Variants in FHAD1 observed in about 807,000 individuals in gnomAD.
FHAD1 encodes forkhead-associated domain-containing protein 1.
A neutral mutation model predicts 191.3 loss-of-function variants in FHAD1; 146 were observed. The observed-to-expected ratio is 0.76, with a 90% CI of 0.67 to 0.88. The LOEUF (loss-of-function observed/expected upper bound fraction) is 0.88. FHAD1 is among the 40% of genes least tolerant of loss of function. The pLI is 0.00. For synonymous variants in FHAD1, 616 were observed against 672.3 expected (o/e 0.92, Z 1.29); for missense variants, 1,635 against 1,785.8 (o/e 0.92, Z 1.52).
At chr1:15,375,292 A>G (rs1202914041) in intron 27 of FHAD1, among the ~76,000 whole-genome samples, 1 of 152,146 alleles carries the variant, frequency 6.6e-6, no homozygotes, top group Non-Finnish European at 1.5e-5. Flanking sequence ...GGCCCACTGC[A>G]GGCTGGGGCA....
intron 20 of FHAD1, 102 bp from the exon 21 acceptor site, chr1:15,358,008 A>T (rs2102596951): frequency 1.3e-6 from 1 of 785,256 alleles, no homozygotes; most frequent in East Asian, 3.0e-5. Flanking sequence ...CAGAATAATT[A>T]GAGAATAGAC....
Position 15,289,633 on chromosome 1 carries a change from G to A in FHAD1, c.535G>A (p.Asp179Asn), listed in dbSNP as rs749372376. 1.3e-6 allele frequency: 2 copies of A among 1,550,704 alleles called. No individual in the cohort carries two copies. Among genetic ancestry groups the A allele is most frequent in the South Asian group, 2.4e-5 (2 of 84,030 alleles). ...CAAGGAGATGTTCTCGTTCGTGGTG[G>A]ACGACGCCCGCAAGCCACCCGTCAT... is the stretch of plus-strand genomic sequence containing the variant. Reference protein sequence around the residue: ...ANKEMFSFVVDDARKPPVIKQ... With the variant: ...ANKEMFSFVVNDARKPPVIKQ... Residue 179 changes from aspartate (D) to asparagine (N), a missense_variant, in exon 4 of 34, where the codon GAC becomes AAC. Physicochemically the swap from Asp to Asn is conservative, Grantham distance 23. Transcript: ENST00000688493. The surrounding 1 kb of genome is among the most constrained non-coding windows in gnomAD (Gnocchi z 4.2).
intron 3 of FHAD1, 35 bp downstream of exon 3, chr1:15,272,564 G>A (rs1557970917): frequency 2.0e-6 from 3 of 1,524,390 alleles, no homozygotes; most frequent in Non-Finnish European, 2.7e-6. Context: ...GAGGGGCCAT[G>A]TCGCCTTCGT....
At position 15,381,101 on chromosome 1, in the gene FHAD1, C is replaced by G. The variant is rs907518077; in HGVS notation, c.3802-130C>G. The G allele has an allele frequency of 3.0e-6, 2 of 667,908 alleles. No individual in the cohort carries two copies. The highest frequency in any genetic ancestry group is 1.9e-5 in the South Asian group (1 of 51,602). The allele number at this position is 667,908 out of a possible 1,614,324, so 41.4% of individuals were successfully genotyped here. On this transcript the variant is annotated intron_variant, in intron 29 of 33. Transcript: ENST00000688493. The surrounding 1 kb of genome is among the most constrained non-coding windows in gnomAD (Gnocchi z 4.6). ...CATGCTGAAAGCCCCAGTTGCACAT[C>G]CTTTCAAAGCATGTGCGTGTTCTCT...
intron 21 of FHAD1, 38 bp from the exon 22 acceptor site, chr1:15,360,440 G>C (rs1478073634): frequency 2.0e-6 from 3 of 1,528,600 alleles, no homozygotes; most frequent in Non-Finnish European, 2.7e-6. Context: ...GTCATACACA[G>C]CTCCCAAGAC....
intron 33 of FHAD1, 47 bp downstream of exon 33, chr1:15,391,310 GTTT>G (rs1223993211): frequency 2.2e-5 from 25 of 1,161,844 alleles, no homozygotes; most frequent in Non-Finnish European, 2.6e-5. Flanking sequence ...TTGTTGTTTT[GTTT>G]TGTTTTGTTT....
intron 26 of FHAD1, among the ~76,000 whole-genome samples, chr1:15,371,382 T>C (rs1335919456): frequency 1.3e-5 from 2 of 152,198 alleles, no homozygotes; most frequent in Admixed American, 1.3e-4. Context: ...GACTGCAAGA[T>C]AAAAGGGAAA....
In FHAD1 at chr1:15,369,483, C is replaced by A; in HGVS notation, c.3428C>A (p.Ala1143Asp). 6.4e-7 allele frequency: 1 copy of A among 1,551,706 alleles called. No homozygotes were observed. Among genetic ancestry groups the A allele is most frequent in the Non-Finnish European group, 8.7e-7 (1 of 1,147,008 alleles). Residue 1143 changes from alanine (A) to aspartate (D), a missense_variant, in exon 26 of 34, where the codon GCC becomes GAC. Physicochemically the swap from Ala to Asp is moderately radical, Grantham distance 126 (BLOSUM62 -2). Transcript: ENST00000688493. The stretch of plus-strand genomic sequence containing the variant: ...CAGATAGAACCCGTCCACACTGAGG[C>A]CTTCTCCAGCAGCCAAGAGGTGAGT... Reference protein sequence around the residue: ...SVQIEPVHTEAFSSSQEQQSF... With the variant: ...SVQIEPVHTEDFSSSQEQQSF...
At chr1:15,359,217 C>T (rs1483285892) in intron 21 of FHAD1, among the ~76,000 whole-genome samples, 4 of 151,930 alleles carry the variant, frequency 2.6e-5, no homozygotes, top group Non-Finnish European at 4.4e-5. Flanking sequence ...GCATCAAAGT[C>T]CAAAAGCTCC....
intron 6 of FHAD1, among the ~76,000 whole-genome samples, chr1:15,304,875 T>C (rs1017463473): frequency 6.6e-6 from 1 of 150,916 alleles, no homozygotes; most frequent in Non-Finnish European, 1.5e-5. Flanking sequence ...AGCCACAAGG[T>C]TTTCAGGGAC....
intron 33 of FHAD1, among the ~76,000 whole-genome samples, chr1:15,397,089 G>A (rs1706257123): frequency 6.6e-6 from 1 of 150,956 alleles, no homozygotes; most frequent in Non-Finnish European, 1.5e-5. Flanking sequence ...TACTCGGGAG[G>A]CTGAGGCAGG....
rs2101838601 is a variant in FHAD1 at position 15,329,144 on chromosome 1, A to G, written c.1711-202A>G. The G allele has an allele frequency of 2.2e-6, 1 of 449,796 alleles. No individual in the cohort carries two copies. Among genetic ancestry groups the G allele is most frequent in the Non-Finnish European group, 4.0e-6 (1 of 250,756 alleles). The allele number at this position is 449,796 out of a possible 1,614,324, so 27.9% of individuals were successfully genotyped here. A position where few individuals can be genotyped will look rare whatever the true frequency, so the allele number is the denominator to read the frequency against. Reference sequence around the variant, plus strand: ...AAAAGGGGGTTCGCTTTGACCATCAAAAGTCCAAATTAGAGTATTAAAAAA... The same window carrying G: ...AAAAGGGGGTTCGCTTTGACCATCAGAAGTCCAAATTAGAGTATTAAAAAA... On this transcript the variant is annotated intron_variant, in intron 13 of 33. Coordinates refer to ENST00000688493, the MANE Select transcript of FHAD1 (RefSeq NM_001391957.1). This position sits in a 1 kb window ranked among gnomAD's most constrained non-coding sequence, Gnocchi z 5.0.
Position 15,289,296 on chromosome 1 carries a change from C to G in FHAD1, c.301-103C>G. Reference sequence around the variant, plus strand: ...TGCCACCCTGCCCGACCGGAAGTGACTCATAAACCAAGACCTTGGGCAGCA... The same window carrying G: ...TGCCACCCTGCCCGACCGGAAGTGAGTCATAAACCAAGACCTTGGGCAGCA... On this transcript the variant is annotated intron_variant, in intron 3 of 33. Transcript: ENST00000688493. This position sits in a 1 kb window ranked among gnomAD's most constrained non-coding sequence, Gnocchi z 4.2. 6.9e-7 allele frequency: 1 copy of G among 1,439,096 alleles called. No homozygotes were observed. 89.1% of individuals were successfully genotyped at this position (1,439,096 alleles called of 1,614,324 possible). A position where few individuals can be genotyped will look rare whatever the true frequency, so the allele number is the denominator to read the frequency against.
chr1:15,261,813 G>A (rs1481130458), intron 2 of FHAD1, among the ~76,000 whole-genome samples: 1 of 152,196 alleles, frequency 6.6e-6, no homozygotes, highest in Non-Finnish European at 1.5e-5. Context: ...TCACAGTGGG[G>A]GCGCAGGATG....
intron 33 of FHAD1, among the ~76,000 whole-genome samples, chr1:15,392,025 A>G (rs1704189932): frequency 6.6e-6 from 1 of 152,194 alleles, no homozygotes; most frequent in Non-Finnish European, 1.5e-5. Context: ...TGACATTGGG[A>G]TGGGCCCTGG....
At chr1:15,388,356 A>ACCTGC (rs1553123590) in intron 32 of FHAD1, 1 of 1,071,990 alleles carries the variant, frequency 9.3e-7, no homozygotes, top group Non-Finnish European at 1.2e-6. Flanking sequence ...GCCCTGCCCC[A>ACCTGC]CCTGCCTGCA....
chr1:15,248,543 A>G (rs1646377207), intron 1 of FHAD1, among the ~76,000 whole-genome samples: 1 of 151,204 alleles, frequency 6.6e-6, no homozygotes, highest in African/African-American at 2.4e-5. Context: ...AGGGGCTGCT[A>G]GCCAGTGCCC....
downstream of FHAD1, among the ~76,000 whole-genome samples, chr1:15,401,238 C>T (rs1198991600): frequency 1.3e-5 from 2 of 152,222 alleles, no homozygotes; most frequent in African/African-American, 2.4e-5. Context: ...CAGGCTTGGA[C>T]ATCAGGAGCT....
In FHAD1 at chr1:15,375,419, C is replaced by T. The variant is rs2496344; in HGVS notation, c.3578-184C>T. Among the ~76,000 whole-genome samples the T allele has an allele frequency of 2.3e-3, 357 of 152,242 alleles. 1 individual carries two copies. Among genetic ancestry groups the T allele is most frequent in the African/African-American group, 8.1e-3 (337 of 41,536 alleles). On this transcript the variant is annotated intron_variant, in intron 27 of 33. Transcript: ENST00000688493. ...CTGATACCTGTGTGGCTGCAGCCTC[C>T]TATGAGCCGGGTGACCTTGGCCAGG...
Sources: allele counts gnomAD v4.1 joint callset (sites outside exome capture counted in the v4.1 genomes callset), GRCh38; gene constraint gnomAD v4.1.1; non-coding constraint Gnocchi (gnomAD v3.1); transcripts MANE v1.5; gene names NCBI Gene and HGNC (gene_info 2026-07-23, HGNC 2026-07-21).